TRPM3: variants seen among roughly 807,000 people sequenced by gnomAD.
TRPM3 encodes long transient receptor potential channel 3.
TRPM3 carries 77 observed loss-of-function variants against 181.2 expected under a neutral mutation model. The ratio of observed to expected loss-of-function variants is 0.42; its 90% CI spans 0.35 to 0.51. The LOEUF (loss-of-function observed/expected upper bound fraction) is 0.51, where lower values mean the gene tolerates loss of function less well. TRPM3 is among the 20% of genes least tolerant of loss of function. TRPM3 has a pLI of 0.01. For synonymous variants in TRPM3, 745 were observed against 796.4 expected (o/e 0.94, Z 1.09); for missense variants, 1,759 against 2,196.7 (o/e 0.80, Z 3.98).
chr9:71,162,083 C>G (rs191541162), intron 1 of TRPM3, among the ~76,000 whole-genome samples: 1 of 151,076 alleles, frequency 6.6e-6, no homozygotes, highest in African/African-American at 2.4e-5. Context: ...TTCTGTAATT[C>G]CAACTACTGA....
intron 9 of TRPM3, among the ~76,000 whole-genome samples, chr9:70,668,867 G>A (rs1371263254): frequency 1.3e-5 from 2 of 152,146 alleles, no homozygotes; most frequent in Admixed American, 1.3e-4. Flanking sequence ...AGACTAGGCA[G>A]CAACTGATTT....
chr9:70,868,454 T>A (rs1427572490), intron 1 of TRPM3, among the ~76,000 whole-genome samples: 1 of 152,036 alleles, frequency 6.6e-6, no homozygotes, highest in Admixed American at 6.6e-5. Flanking sequence ...CTTTAAAAAA[T>A]TAAGTCATTT....
intron 1 of TRPM3, among the ~76,000 whole-genome samples, chr9:71,067,999 T>C (rs2062161687): frequency 6.6e-6 from 1 of 152,174 alleles, no homozygotes; most frequent in Non-Finnish European, 1.5e-5. Flanking sequence ...ATTTCAGGGC[T>C]TCCACTGACA....
intron 1 of TRPM3, among the ~76,000 whole-genome samples, chr9:71,290,191 G>A (rs1259668706): frequency 6.6e-6 from 1 of 151,952 alleles, no homozygotes; most frequent in Non-Finnish European, 1.5e-5. Context: ...TACGTGAAAA[G>A]GTAATGTGAC....
intron 1 of TRPM3, chr9:70,917,589 C>T (rs1192667592): frequency 2.4e-6 from 1 of 422,526 alleles, no homozygotes; most frequent in African/African-American, 2.9e-5. Context: ...AAAATAATGG[C>T]TTATACTATA....
At chr9:71,007,478 A>G (rs2097692501) in intron 1 of TRPM3, among the ~76,000 whole-genome samples, 1 of 152,208 alleles carries the variant, frequency 6.6e-6, no homozygotes, top group Admixed American at 6.5e-5. Flanking sequence ...TCAGAAAATA[A>G]GTCTTAACAA....
chr9:70,765,368 A>G lies in TRPM3; in HGVS notation c.1149-3644T>C, dbSNP rs796620007. On this transcript the variant is annotated intron_variant, in intron 7 of 25. Transcript: ENST00000677713. Reference sequence around the variant, plus strand: ...CACTTTGGAAGCCAGAGGCGGGTGGATCACTTGAGGTCAGGAGTTCAAGGC... The same window carrying G: ...CACTTTGGAAGCCAGAGGCGGGTGGGTCACTTGAGGTCAGGAGTTCAAGGC... Among the ~76,000 whole-genome samples, 145 of 152,110 alleles carry G rather than the reference A, an allele frequency of 9.5e-4. 1 individual carries two copies. The highest frequency in any genetic ancestry group is 3.4e-3 in the African/African-American group (140 of 41,498).
chr9:70,801,189 T>A (rs2088895620), intron 6 of TRPM3, among the ~76,000 whole-genome samples: 1 of 152,230 alleles, frequency 6.6e-6, no homozygotes, highest in Non-Finnish European at 1.5e-5. Context: ...ACCTTGCTCA[T>A]ACCTTAGGGT....
intron 1 of TRPM3, among the ~76,000 whole-genome samples, chr9:71,044,270 A>C (rs554775651): frequency 4.6e-5 from 7 of 152,222 alleles, no homozygotes; most frequent in Admixed American, 1.3e-4. Context: ...TAAAAGAAAA[A>C]CATCAAAACC....
chr9:71,152,403 A>G (rs1272208432), intron 1 of TRPM3, among the ~76,000 whole-genome samples: 1 of 152,162 alleles, frequency 6.6e-6, no homozygotes, highest in Non-Finnish European at 1.5e-5. Flanking sequence ...CTAAATCACC[A>G]TGATTAAAAG....
At chr9:71,317,523 C>T (rs1460375138) in intron 1 of TRPM3, among the ~76,000 whole-genome samples, 1 of 152,010 alleles carries the variant, frequency 6.6e-6, no homozygotes, top group South Asian at 2.1e-4. Flanking sequence ...TGCCTATAGT[C>T]CCAGCTACTC....
chr9:71,410,565 T>C (rs1368046536), intron 1 of TRPM3, among the ~76,000 whole-genome samples: 3 of 152,166 alleles, frequency 2.0e-5, no homozygotes, highest in Non-Finnish European at 2.9e-5. Context: ...CAGGAAGAAG[T>C]TGAATCCCTG....
intron 1 of TRPM3, among the ~76,000 whole-genome samples, chr9:71,335,852 G>C (rs1469818315): frequency 6.6e-6 from 1 of 152,094 alleles, no homozygotes; most frequent in Non-Finnish European, 1.5e-5. Flanking sequence ...CAAGTGGGGA[G>C]ATACGATCCT....
At chr9:71,156,172 T>C (rs917025395) in intron 1 of TRPM3, among the ~76,000 whole-genome samples, 6 of 152,052 alleles carry the variant, frequency 3.9e-5, no homozygotes, top group African/African-American at 1.2e-4. Flanking sequence ...TCAGGTACAA[T>C]GGAGTTTAAG....
chr9:70,921,947 AC>A (rs1564766520), intron 1 of TRPM3, among the ~76,000 whole-genome samples: 59 of 150,326 alleles, frequency 3.9e-4, no homozygotes, highest in South Asian at 1.5e-3. Context: ...AAACAAACAC[AC>A]ACACACACAC....
At chr9:71,134,492 CAG>C (rs1341683290) in intron 1 of TRPM3, among the ~76,000 whole-genome samples, 44 of 140,308 alleles carry the variant, frequency 3.1e-4, no homozygotes, top group Admixed American at 1.4e-3. Context: ...GCAGAGGTTG[CAG>C]TGAGCCAAGA....
At chr9:71,171,286 G>A (rs960811176) in intron 1 of TRPM3, among the ~76,000 whole-genome samples, 5 of 152,142 alleles carry the variant, frequency 3.3e-5, no homozygotes, top group African/African-American at 1.2e-4. Flanking sequence ...CTTGCCTTGT[G>A]ATATTCTATT....
At chr9:70,914,998 T>C (rs2096576166) in intron 1 of TRPM3, among the ~76,000 whole-genome samples, 1 of 152,194 alleles carries the variant, frequency 6.6e-6, no homozygotes. Flanking sequence ...CAAATAAGCC[T>C]GAACTCTGAA....
intron 1 of TRPM3, among the ~76,000 whole-genome samples, chr9:71,365,838 T>G (rs937093921): frequency 6.6e-6 from 1 of 152,160 alleles, no homozygotes; most frequent in Non-Finnish European, 1.5e-5. Context: ...GCAAACAAAA[T>G]GAAGTTCATG....
Sources: gnomAD v4.1 joint callset for allele counts (sites outside exome capture counted in the v4.1 genomes callset) on GRCh38, gnomAD v4.1.1 for gene constraint, MANE v1.5 for transcripts, NCBI Gene and HGNC (gene_info 2026-07-23, HGNC 2026-07-21) for gene names.